Variants in SIMC1 observed in about 807,000 individuals in gnomAD.
The protein encoded by SIMC1 is SUMO-interacting motif-containing protein 1.
SIMC1 carries 55 observed loss-of-function variants against 82.3 expected under a neutral mutation model. The observed-to-expected ratio is 0.67, with a 90% confidence interval of 0.54 to 0.84. The LOEUF (loss-of-function observed/expected upper bound fraction) is 0.84. SIMC1 is among the 40% of genes least tolerant of loss of function. SIMC1 has a pLI of 0.00. For missense variants in SIMC1, 915 were observed against 1,107.2 expected, an observed-to-expected ratio of 0.83 and a Z score of 2.46; for synonymous variants, 353 against 426.3, an observed-to-expected ratio of 0.83 and a Z score of 2.12.
At chr5:176,340,964 T>C (rs1766112704) in intron 9 of SIMC1, among the ~76,000 whole-genome samples, 1 of 152,146 alleles carries the variant, frequency 6.6e-6, no homozygotes, top group African/African-American at 2.4e-5. Context: ...CTGGCCAACA[T>C]GGCAGATCCC....
intron 1 of SIMC1, among the ~76,000 whole-genome samples, chr5:176,249,857 A>AT (rs1417334717): frequency 1.1e-4 from 16 of 151,156 alleles, no homozygotes; most frequent in African/African-American, 3.6e-4. Flanking sequence ...AAAAAAAAAA[A>AT]AAAAAAACCA....
intron 1 of SIMC1, among the ~76,000 whole-genome samples, chr5:176,255,598 A>G (rs867631729): frequency 1.4e-5 from 2 of 146,426 alleles, no homozygotes; most frequent in Admixed American, 6.8e-5. Context: ...TTTTTTTTTT[A>G]AAGAAAAAGA....
chr5:176,257,962 A>C (rs1761901741), intron 1 of SIMC1, among the ~76,000 whole-genome samples: 1 of 152,224 alleles, frequency 6.6e-6, no homozygotes, highest in Non-Finnish European at 1.5e-5. Context: ...CCTGTATGGG[A>C]GGTAAAATTG....
chr5:176,263,161 T>C (rs907589328), intron 1 of SIMC1, among the ~76,000 whole-genome samples: 2 of 152,208 alleles, frequency 1.3e-5, no homozygotes, highest in African/African-American at 4.8e-5. Context: ...GGAGAAACAT[T>C]TCATGTTTGT....
At chr5:176,331,991 C>T (rs1051669042) in intron 7 of SIMC1, among the ~76,000 whole-genome samples, 1 of 151,798 alleles carries the variant, frequency 6.6e-6, no homozygotes, top group African/African-American at 2.4e-5. Flanking sequence ...CAAACACAAA[C>T]TTTGCATTAT....
chr5:176,327,336 C>A (rs189368652), intron 7 of SIMC1, among the ~76,000 whole-genome samples: 1 of 152,282 alleles, frequency 6.6e-6, no homozygotes, highest in African/African-American at 2.4e-5. Context: ...AATTTACATA[C>A]AATTAAATTA....
intron 1 of SIMC1, among the ~76,000 whole-genome samples, chr5:176,254,985 TAAAG>T (rs1761800718): frequency 1.3e-5 from 2 of 151,986 alleles, no homozygotes; most frequent in East Asian, 3.9e-4. Context: ...AATATTTAAA[TAAAG>T]AACCTGGCTA....
At chr5:176,308,082 A>G in intron 4 of SIMC1, 1 of 734,706 alleles carries the variant, frequency 1.4e-6, no homozygotes, top group Non-Finnish European at 2.5e-6. Flanking sequence ...CAGGTGGTGC[A>G]GGCGGTGCAG....
chr5:176,326,387 TTTTTTC>T (rs1227654270), intron 7 of SIMC1, among the ~76,000 whole-genome samples: 5 of 152,086 alleles, frequency 3.3e-5, no homozygotes, highest in East Asian at 3.9e-4. Flanking sequence ...TTTCTGTTTT[TTTTTTC>T]TTTTTCTTTT....
Position 176,290,708 on chromosome 5 carries a change from G to A in SIMC1, c.1184G>A (p.Cys395Tyr). Residue 395 changes from cysteine to tyrosine, a missense_variant, in exon 2 of 10, where the codon TGC becomes TAC. Cys to Tyr is a radical substitution (Grantham distance 194). Around this residue, in one of 2 missense-constraint regions of SIMC1, gnomAD observed 902 missense variants for 1,040.3 expected, o/e 0.87. Transcript: ENST00000429602. Reference protein sequence around the residue: ...MDISALSSPSCSPSPQSETPL... With the variant: ...MDISALSSPSYSPSPQSETPL... ...ATCTCAGCTCTGTCCTCTCCAAGCT[G>A]CTCTCCCAGCCCACAGTCTGAAACT... 6.2e-7 allele frequency: 1 copy of A among 1,613,932 alleles called. No individual in the cohort carries two copies. The highest frequency in any genetic ancestry group is 8.5e-7 in the Non-Finnish European group (1 of 1,179,878).
Position 176,290,414 on chromosome 5 carries a change from T to C in SIMC1, c.890T>C (p.Leu297Ser). The C allele has an allele frequency of 6.2e-7, 1 of 1,613,988 alleles. No individual in the cohort carries two copies. The highest frequency in any genetic ancestry group is 8.5e-7 in the Non-Finnish European group (1 of 1,179,856). Residue 297 changes from leucine (L) to serine (S), a missense_variant, in exon 2 of 10, where the codon TTA becomes TCA. Physicochemically the swap from Leu to Ser is moderately radical, Grantham distance 145. Around this residue, in one of 2 missense-constraint regions of SIMC1, gnomAD observed 902 missense variants for 1,040.3 expected, o/e 0.87. Transcript: ENST00000429602. The part of the protein sequence containing the change: ...QDVPGLPQSI[L>S]HPQDVAYLQD... ...GTGCCAGGGCTGCCTCAAAGCATAT[T>C]ACATCCACAAGATGTGGCATACCTG...
intron 1 of SIMC1, among the ~76,000 whole-genome samples, chr5:176,265,984 G>A (rs2560169): frequency 1.9e-4 from 28 of 149,706 alleles, no homozygotes; most frequent in African/African-American, 5.3e-4. Context: ...ATATTAGTAT[G>A]TACAGTGTGC....
At chr5:176,265,328 G>C (rs1293909419) in intron 1 of SIMC1, among the ~76,000 whole-genome samples, 3 of 152,184 alleles carry the variant, frequency 2.0e-5, no homozygotes, top group Non-Finnish European at 2.9e-5. Flanking sequence ...CTGCTAGTCA[G>C]GCTGGCAAGA....
At chr5:176,256,375 T>G (rs1314312982) in intron 1 of SIMC1, among the ~76,000 whole-genome samples, 1 of 152,186 alleles carries the variant, frequency 6.6e-6, no homozygotes, top group Non-Finnish European at 1.5e-5. Context: ...TTTCTTCTAA[T>G]TATAGCCAAC....
At chr5:176,259,898 G>A (rs2113142821) in intron 1 of SIMC1, among the ~76,000 whole-genome samples, 1 of 151,726 alleles carries the variant, frequency 6.6e-6, no homozygotes, top group African/African-American at 2.4e-5. Flanking sequence ...TTCCTTGTGT[G>A]TGCACAAACA....
At chr5:176,256,311 A>G (rs1305832599) in intron 1 of SIMC1, among the ~76,000 whole-genome samples, 1 of 152,140 alleles carries the variant, frequency 6.6e-6, no homozygotes, top group Non-Finnish European at 1.5e-5. Context: ...GTATATAAAT[A>G]TATATACACG....
At chr5:176,286,408 T>C (rs1475778344) in intron 1 of SIMC1, among the ~76,000 whole-genome samples, 1 of 152,246 alleles carries the variant, frequency 6.6e-6, no homozygotes, top group South Asian at 2.1e-4. Context: ...ATTTAATAAA[T>C]GGTGCTGGGA....
chr5:176,292,485 A>G (rs1017062640), intron 2 of SIMC1, among the ~76,000 whole-genome samples: 1 of 152,116 alleles, frequency 6.6e-6, no homozygotes, highest in Non-Finnish European at 1.5e-5. Context: ...TAAAATTATT[A>G]CATCTTCTAA....
chr5:176,251,373 CA>C (rs1761645692), intron 1 of SIMC1, among the ~76,000 whole-genome samples: 2 of 152,128 alleles, frequency 1.3e-5, no homozygotes, highest in Non-Finnish European at 2.9e-5. Context: ...AAAAACAAAA[CA>C]AAACAAAAAC....
Sources: gnomAD v4.1 joint callset for allele counts (sites outside exome capture counted in the v4.1 genomes callset) on GRCh38, gnomAD v4.1.1 for gene constraint, gnomAD v4.1.1 regional missense constraint, MANE v1.5 for transcripts, NCBI Gene and HGNC (gene_info 2026-07-23, HGNC 2026-07-21) for gene names.